FANCB: variants seen among roughly 807,000 people sequenced by gnomAD.
FANCB encodes the protein FA complementation group B, also known as Fanconi anemia group B protein.
Under a neutral mutation model 38.9 loss-of-function variants are expected in FANCB, and 5 were observed. That is an observed-to-expected ratio of 0.13 (90% CI 0.07 to 0.27). The LOEUF (loss-of-function observed/expected upper bound fraction) is 0.27. Among genes scored for constraint, FANCB ranks in the 10% least tolerant of loss-of-function variants. FANCB has a pLI of 1.00. For missense variants in FANCB, 573 were observed against 602.7 expected (o/e 0.95, Z 0.52); for synonymous variants, 236 against 215.4 (o/e 1.10, Z -0.84).
At chrX:14,862,150 T>A (rs1480231025) in intron 3 of FANCB, 1 of 20,189 alleles carries the variant, frequency 5.0e-5, no homozygotes, top group African/African-American at 5.1e-4. Flanking sequence ...ATATTTCCCT[T>A]TTTTTTTTTT....
chrX:14,715,112 A>G, the FANCB span, among the ~76,000 whole-genome samples: 1 of 112,413 alleles, frequency 8.9e-6, no homozygotes, highest in Non-Finnish European at 1.9e-5. Flanking sequence ...TGTCTATTCC[A>G]TTTGTTTTCC....
At chrX:14,779,332 CAGAGTA>C in the FANCB span, among the ~76,000 whole-genome samples, 1 of 112,255 alleles carries the variant, frequency 8.9e-6, no homozygotes, top group African/African-American at 3.2e-5. Flanking sequence ...GAGTGCTTCT[CAGAGTA>C]AAAGGACATT....
chrX:14,706,095 G>C, the FANCB span, among the ~76,000 whole-genome samples: 2 of 42,568 alleles, frequency 4.7e-5, no homozygotes, highest in African/African-American at 7.2e-5. Context: ...GAATATTTAG[G>C]TGTAGAGCCC....
the FANCB span, among the ~76,000 whole-genome samples, chrX:14,740,690 G>T: frequency 9.0e-6 from 1 of 111,519 alleles, no homozygotes; most frequent in South Asian, 3.7e-4. Flanking sequence ...ATTTACAAAA[G>T]CAGGTGGCAG....
chrX:14,830,832 A>G, the FANCB span, among the ~76,000 whole-genome samples: 1 of 112,508 alleles, frequency 8.9e-6, no homozygotes, highest in Non-Finnish European at 1.9e-5. Context: ...GTGTTGCACA[A>G]TGAGACTGAG....
the FANCB span, among the ~76,000 whole-genome samples, chrX:14,823,577 T>G: frequency 8.9e-6 from 1 of 112,110 alleles, no homozygotes; most frequent in South Asian, 3.7e-4. Flanking sequence ...GTTTTCTATT[T>G]GGCCTATCTA....
intron 1 of FANCB, among the ~76,000 whole-genome samples, chrX:14,869,481 G>C (rs2092485359): frequency 8.9e-6 from 1 of 111,838 alleles, no homozygotes; most frequent in East Asian, 2.8e-4. Context: ...CTCTGTTCCA[G>C]TTGCCACTAC....
the FANCB span, among the ~76,000 whole-genome samples, chrX:14,775,188 T>TA: frequency 2.2e-5 from 2 of 89,982 alleles, no homozygotes; most frequent in Admixed American, 1.2e-4. Flanking sequence ...TTTTTTTTTT[T>TA]ACTTTGGTAC....
chrX:14,756,672 G>A, the FANCB span, among the ~76,000 whole-genome samples: 1 of 111,514 alleles, frequency 9.0e-6, no homozygotes, highest in Admixed American at 9.5e-5. Context: ...ATGAAGGGCT[G>A]AGAAGCTCGG....
At chrX:14,840,582 G>C (rs2035594671), downstream of FANCB, among the ~76,000 whole-genome samples, 2 of 112,162 alleles carry the variant, frequency 1.8e-5, no homozygotes, top group South Asian at 7.3e-4. Context: ...TGAAATAGAT[G>C]TGGAAAAGGT....
At chrX:14,847,555 A>C (rs1408511035) in intron 7 of FANCB, among the ~76,000 whole-genome samples, 1 of 110,931 alleles carries the variant, frequency 9.0e-6, no homozygotes, top group East Asian at 2.8e-4. Context: ...AGAGAAAGTA[A>C]GGAAGCATCA....
chrX:14,804,405 G>A, the FANCB span, among the ~76,000 whole-genome samples: 2 of 111,596 alleles, frequency 1.8e-5, no homozygotes, highest in South Asian at 3.7e-4. Context: ...AACACCGCAT[G>A]TTCTCACTCA....
intron 7 of FANCB, among the ~76,000 whole-genome samples, chrX:14,846,021 T>G (rs1311179253): frequency 8.9e-6 from 1 of 111,796 alleles, no homozygotes; most frequent in African/African-American, 3.2e-5. Flanking sequence ...TGAGTTACAC[T>G]AAAGATTTAA....
chrX:14,720,984 G>C, the FANCB span, among the ~76,000 whole-genome samples: 1 of 109,569 alleles, frequency 9.1e-6, no homozygotes, highest in Non-Finnish European at 1.9e-5. Flanking sequence ...AAATTAGCCA[G>C]ACATGGTGGC....
At chrX:14,796,671 C>CAT in the FANCB span, among the ~76,000 whole-genome samples, 32 of 82,804 alleles carry the variant, frequency 3.9e-4, no homozygotes, top group African/African-American at 1.3e-3. Context: ...TACACACACA[C>CAT]ACACACACAC....
At chrX:14,796,655 C>CAT in the FANCB span, among the ~76,000 whole-genome samples, 12 of 28,179 alleles carry the variant, frequency 4.3e-4, no homozygotes, top group Non-Finnish European at 6.4e-4. Flanking sequence ...ATTCTAAGTG[C>CAT]ATATATACAC....
At chrX:14,839,452 A>G (rs1161815443), downstream of FANCB, among the ~76,000 whole-genome samples, 1 of 111,959 alleles carries the variant, frequency 8.9e-6, no homozygotes, top group Non-Finnish European at 1.9e-5. Context: ...GAAACAAGTT[A>G]AATAATCTGA....
Position 14,845,124 on chromosome X carries a change from C to T in FANCB, c.1659G>A (p.Thr553=), listed in dbSNP as rs767952529. The change falls in exon 8 of 10, where the codon ACG becomes ACA. Residue 553 remains threonine (T), a synonymous_variant. Coordinates refer to ENST00000650831, the MANE Select transcript of FANCB (RefSeq NM_001018113.3). ...CCTCTTTCTTGCTATCAGGGGTCAA[C>T]GTGACCCTTTTTGCTTCCAATCCTA... The part of the protein sequence containing the change: ...CEIGLEAKRV[T]LTPDSKKEES... 6.6e-6 allele frequency: 8 copies of T among 1,209,393 alleles called. No individual in the cohort carries two copies. The African/African-American group carries it at 8.7e-5, about 13-fold the overall frequency.
At chrX:14,753,988 G>A in the FANCB span, among the ~76,000 whole-genome samples, 7 of 112,324 alleles carry the variant, frequency 6.2e-5, no homozygotes, top group African/African-American at 2.3e-4. Flanking sequence ...TTACACAGCC[G>A]CATTGCTCCA....
Sources: allele counts gnomAD v4.1 joint callset (sites outside exome capture counted in the v4.1 genomes callset), GRCh38; gene constraint gnomAD v4.1.1; transcripts MANE v1.5; gene names NCBI Gene and HGNC (gene_info 2026-07-23, HGNC 2026-07-21).